AGO3: variants seen among roughly 807,000 people sequenced by gnomAD.
AGO3 encodes protein argonaute-3.
A neutral mutation model predicts 105.5 loss-of-function variants in AGO3; 16 were observed. That is an observed-to-expected ratio of 0.15 (90% CI 0.10 to 0.23). The LOEUF (loss-of-function observed/expected upper bound fraction) is 0.23. Among genes scored for constraint, AGO3 ranks in the 10% least tolerant of loss-of-function variants. The pLI is 1.00. For synonymous variants in AGO3, 340 were observed against 367.3 expected (o/e 0.93, Z 0.85); for missense variants, 534 against 1,088.0 (o/e 0.49, Z 7.16).
intron 5 of AGO3, among the ~76,000 whole-genome samples, chr1:35,995,464 G>A (rs547059844): frequency 2.6e-5 from 4 of 152,076 alleles, no homozygotes; most frequent in African/African-American, 9.6e-5. Context: ...AATGTAGCTG[G>A]TTGATTTTTG....
At chr1:35,933,873 A>T (rs1226986812) in intron 1 of AGO3, among the ~76,000 whole-genome samples, 1 of 152,092 alleles carries the variant, frequency 6.6e-6, no homozygotes, top group East Asian at 1.9e-4. Context: ...AAATTTGTTT[A>T]CATTAGGGAA....
At chr1:36,029,668 T>G (rs1248888312) in intron 12 of AGO3, among the ~76,000 whole-genome samples, 4 of 150,690 alleles carry the variant, frequency 2.7e-5, no homozygotes, top group Non-Finnish European at 5.9e-5. Context: ...AGTGCTGGGA[T>G]TACAGGCGTG....
intron 1 of AGO3, among the ~76,000 whole-genome samples, chr1:35,944,088 T>C (rs1230050379): frequency 1.3e-5 from 2 of 152,220 alleles, no homozygotes; most frequent in African/African-American, 4.8e-5. Flanking sequence ...CTTTCACTTC[T>C]TTTGAGTGTA....
At chr1:35,971,560 CAG>C (rs1646871760) in intron 3 of AGO3, among the ~76,000 whole-genome samples, 1 of 151,508 alleles carries the variant, frequency 6.6e-6, no homozygotes. Flanking sequence ...TTATTTTTTC[CAG>C]TCCATTCCCT....
upstream of AGO3, chr1:35,930,960 C>G (rs1459692207): frequency 1.9e-5 from 6 of 316,418 alleles, no homozygotes; most frequent in Non-Finnish European, 3.4e-5. Flanking sequence ...GCCCGGCTCC[C>G]GGACACCTCC....
At chr1:35,947,768 A>G (rs898145353) in intron 2 of AGO3, among the ~76,000 whole-genome samples, 4 of 152,178 alleles carry the variant, frequency 2.6e-5, no homozygotes, top group Non-Finnish European at 5.9e-5. Context: ...GCCGTCATCC[A>G]CTTATGGGGA....
At chr1:35,978,774 T>C (rs1646997622) in intron 5 of AGO3, among the ~76,000 whole-genome samples, 1 of 152,188 alleles carries the variant, frequency 6.6e-6, no homozygotes, top group Non-Finnish European at 1.5e-5. Flanking sequence ...TATTTTTCTA[T>C]CTATTTTAGC....
intron 2 of AGO3, among the ~76,000 whole-genome samples, chr1:35,957,183 C>G (rs1646583309): frequency 6.6e-6 from 1 of 151,200 alleles, no homozygotes; most frequent in African/African-American, 2.4e-5. Context: ...AACCCCATCT[C>G]TACTAAAAAT....
chr1:36,024,735 G>C (rs1377397044), intron 11 of AGO3, among the ~76,000 whole-genome samples: 1 of 152,120 alleles, frequency 6.6e-6, no homozygotes, highest in East Asian at 1.9e-4. Flanking sequence ...CCAGGCTGGA[G>C]TGCAATGGCG....
intron 2 of AGO3, among the ~76,000 whole-genome samples, chr1:35,947,566 A>G (rs1450075775): frequency 3.9e-5 from 6 of 152,150 alleles, no homozygotes; most frequent in Non-Finnish European, 8.8e-5. Context: ...TTGGCACATA[A>G]TACTCAGTAA....
rs563394100 is a variant in AGO3, at chr1:36,005,265, G to A, written c.793+790G>A. ...TATTGCAGATAATTTTCAGCTTGTG[G>A]TTTGAATGAAGCATTTAAGTTTGTT... On this transcript the variant is annotated intron_variant, in intron 6 of 18. Transcript: ENST00000373191. 2.0e-5 allele frequency among the ~76,000 whole-genome samples: 3 copies of A among 152,124 alleles called. No homozygotes were observed. In the South Asian group the frequency reaches 6.2e-4, roughly 32 times the overall value.
At chr1:36,003,341 G>A (rs1327169187) in intron 5 of AGO3, among the ~76,000 whole-genome samples, 1 of 152,062 alleles carries the variant, frequency 6.6e-6, no homozygotes, top group Non-Finnish European at 1.5e-5. Flanking sequence ...AGAAATCATA[G>A]TGGTTGACTG....
At position 36,056,822 on chromosome 1, in the gene AGO3, A is replaced by C. The variant is rs1488788309; in HGVS notation, c.*1077A>C. 1 of 151,394 alleles carries C rather than the reference A, an allele frequency of 6.6e-6. No homozygotes were observed. Among genetic ancestry groups the C allele is most frequent in the Non-Finnish European group, 1.5e-5 (1 of 67,906 alleles). 9.4% of individuals were successfully genotyped at this position (151,394 alleles called of 1,614,324 possible). A position where few individuals can be genotyped will look rare whatever the true frequency, so the allele number is the denominator to read the frequency against. On this transcript the variant is annotated 3_prime_UTR_variant, in exon 19 of 19. Coordinates refer to ENST00000373191, the MANE Select transcript of AGO3 (RefSeq NM_024852.4). ...AGTGGCGAGATCTCGGCTCACTGCA[A>C]CTTCCGCCTCTCGGGTTCAAGCAAT...
In AGO3 at chr1:36,054,941, TA is replaced by T. The variant is rs762820693; in HGVS notation, c.2275-4del. On this transcript the variant is annotated splice_polypyrimidine_tract_variant and splice_region_variant and intron_variant, in intron 17 of 18. Coordinates refer to ENST00000373191, the MANE Select transcript of AGO3 (RefSeq NM_024852.4). ...CAACAGTGTATGTCATTGCCTTCTC[TA>T]TAGGGTACCAGTCGTCCTTCACACT... 6.2e-7 allele frequency: 1 copy of T among 1,613,476 alleles called. No homozygotes were observed. Among genetic ancestry groups the T allele is most frequent in the Non-Finnish European group, 8.5e-7 (1 of 1,179,420 alleles).
At chr1:35,969,151 T>A (rs1051037204) in intron 3 of AGO3, among the ~76,000 whole-genome samples, 18 of 152,220 alleles carry the variant, frequency 1.2e-4, no homozygotes, top group Admixed American at 6.5e-4. Flanking sequence ...TTAGATTTTT[T>A]ATTTTTTTTA....
At chr1:35,947,682 C>T (rs1646392341) in intron 2 of AGO3, among the ~76,000 whole-genome samples, 1 of 152,022 alleles carries the variant, frequency 6.6e-6, no homozygotes, top group Non-Finnish European at 1.5e-5. Context: ...TTTTCAGTGC[C>T]GTACTCTTAT....
chr1:36,068,782 TTGA>T lies in AGO3; in HGVS notation c.*13039_*13041del, dbSNP rs1643126102. On this transcript the variant is annotated 3_prime_UTR_variant, in exon 19 of 19. Coordinates refer to ENST00000373191, the MANE Select transcript of AGO3 (RefSeq NM_024852.4). The stretch of plus-strand genomic sequence containing the variant: ...CAGCTTATGTCTCACATCTGCCTTC[TTGA>T]TATGTGCAAAATATTGTGTAAAAAT... The T allele has an allele frequency of 6.6e-6, 1 of 152,238 alleles. No homozygotes were observed. Among genetic ancestry groups the T allele is most frequent in the South Asian group, 2.1e-4 (1 of 4,830 alleles). 9.4% of individuals were successfully genotyped at this position (152,238 alleles called of 1,614,324 possible). A position where few individuals can be genotyped will look rare whatever the true frequency, so the allele number is the denominator to read the frequency against.
chr1:35,932,188 G>C (rs1054054235), intron 1 of AGO3, among the ~76,000 whole-genome samples: 2 of 152,190 alleles, frequency 1.3e-5, no homozygotes, highest in Non-Finnish European at 2.9e-5. Context: ...AACATGGATA[G>C]TACTTGTCCT....
intron 1 of AGO3, among the ~76,000 whole-genome samples, chr1:35,935,102 C>T (rs1297320478): frequency 6.6e-6 from 1 of 151,918 alleles, no homozygotes; most frequent in Non-Finnish European, 1.5e-5. Flanking sequence ...CTGGAGTGAC[C>T]ATTATGACTT....
Sources: gnomAD v4.1 joint callset for allele counts (sites outside exome capture counted in the v4.1 genomes callset) on GRCh38, gnomAD v4.1.1 for gene constraint, MANE v1.5 for transcripts, NCBI Gene and HGNC (gene_info 2026-07-23, HGNC 2026-07-21) for gene names.